Variants in BCL11A observed in about 807,000 individuals in gnomAD.
BCL11A encodes the protein BCL11 transcription factor A.
Under a neutral mutation model 55.9 loss-of-function variants are expected in BCL11A, and 2 were observed. The observed-to-expected ratio is 0.04, with a 90% CI of 0.01 to 0.11. The LOEUF (loss-of-function observed/expected upper bound fraction) is 0.11, where lower values mean the gene tolerates loss of function less well. Ranked by LOEUF, BCL11A falls within the 10% of genes least tolerant of loss-of-function variation. The pLI is 1.00. For synonymous variants in BCL11A, 465 were observed against 473.4 expected, an observed-to-expected ratio of 0.98 and a Z score of 0.23; for missense variants, 817 against 1,137.1, an observed-to-expected ratio of 0.72 and a Z score of 4.05.
intron 2 of BCL11A, among the ~76,000 whole-genome samples, chr2:60,529,338 G>A (rs1198277698): frequency 2.0e-5 from 3 of 152,144 alleles, no homozygotes; most frequent in Admixed American, 6.5e-5. Context: ...GGCAAGCCCC[G>A]TGATTCTCCC....
intron 3 of BCL11A, among the ~76,000 whole-genome samples, chr2:60,463,827 CTG>C (rs1488424746): frequency 6.6e-6 from 1 of 151,232 alleles, no homozygotes; most frequent in Non-Finnish European, 1.5e-5. Context: ...TAAAATATAA[CTG>C]AGAAATAACA....
At chr2:60,487,451 GA>G (rs1218849972) in intron 2 of BCL11A, among the ~76,000 whole-genome samples, 2 of 152,106 alleles carry the variant, frequency 1.3e-5, no homozygotes, top group African/African-American at 4.8e-5. Context: ...CTCAAATGTA[GA>G]TTATCTTCCC....
At chr2:60,499,287 C>T (rs1160195691) in intron 2 of BCL11A, among the ~76,000 whole-genome samples, 2 of 152,130 alleles carry the variant, frequency 1.3e-5, no homozygotes, top group Non-Finnish European at 2.9e-5. Flanking sequence ...AGGGGTGTGA[C>T]GCCCCTGCCC....
intron 1 of BCL11A, among the ~76,000 whole-genome samples, chr2:60,547,402 A>G (rs1670205326): frequency 1.3e-5 from 2 of 151,830 alleles, no homozygotes; most frequent in South Asian, 2.1e-4. Context: ...TTAACTTTGT[A>G]CTAAAATACT....
chr2:60,452,842 C>T (rs1675783491), downstream of BCL11A: 2 of 564,950 alleles, frequency 3.5e-6, no homozygotes, highest in South Asian at 4.1e-5. Flanking sequence ...CCAAGTATCT[C>T]TGACCTCTGA....
intron 2 of BCL11A, among the ~76,000 whole-genome samples, chr2:60,531,032 TC>T (rs1404215034): frequency 6.6e-6 from 1 of 152,158 alleles, no homozygotes; most frequent in Admixed American, 6.5e-5. Context: ...AGAGTAACGC[TC>T]CCAATGTACA....
Position 60,461,313 on chromosome 2 carries a change from G to A in BCL11A, c.1599C>T (p.Val533=), listed in dbSNP as rs368418687. 1.0e-4 allele frequency: 165 copies of A among 1,600,434 alleles called. No individual in the cohort carries two copies. Among genetic ancestry groups the A allele is most frequent in the Non-Finnish European group, 1.3e-4 (154 of 1,178,094 alleles). The part of the protein sequence containing the change: ...RHHENSSRGA[V]VGVGDESRAL... ...CGCGGCTCTCGTCGCCCACGCCCAC[G>A]ACCGCGCCCCGCGAGCTGTTCTCGT... Residue 533 remains valine (V), a synonymous_variant, in exon 4 of 4, where the codon GTC becomes GTT. Coordinates refer to ENST00000642384, the MANE Select transcript of BCL11A (RefSeq NM_022893.4).
intron 2 of BCL11A, among the ~76,000 whole-genome samples, chr2:60,516,686 C>A (rs1226723359): frequency 6.6e-6 from 1 of 152,166 alleles, no homozygotes; most frequent in East Asian, 1.9e-4. Flanking sequence ...GTTTAACTGC[C>A]CTCAAAGATG....
intron 2 of BCL11A, chr2:60,541,685 T>G: frequency 2.1e-6 from 1 of 471,588 alleles, no homozygotes; most frequent in Non-Finnish European, 3.8e-6. Flanking sequence ...CAATATTCTC[T>G]ACTCTCTGGA....
At chr2:60,537,894 T>A (rs1468157585) in intron 2 of BCL11A, 1 of 152,240 alleles carries the variant, frequency 6.6e-6, no homozygotes, top group Non-Finnish European at 1.5e-5. Flanking sequence ...AATGGGAGTT[T>A]TTAATCAGTG....
chr2:60,552,903 T>C (rs1396775902), intron 1 of BCL11A, among the ~76,000 whole-genome samples: 1 of 147,728 alleles, frequency 6.8e-6, no homozygotes, highest in African/African-American at 2.5e-5. Context: ...GGGGGGGGAG[T>C]GGAATCATTG....
intron 2 of BCL11A, among the ~76,000 whole-genome samples, chr2:60,531,015 G>A (rs1669430631): frequency 6.6e-6 from 1 of 152,174 alleles, no homozygotes; most frequent in Admixed American, 6.5e-5. Context: ...CTACACCATG[G>A]CCAGGGAGAG....
At chr2:60,495,769 G>A (rs183581277) in intron 2 of BCL11A, 9 of 152,250 alleles carry the variant, frequency 5.9e-5, no homozygotes, top group African/African-American at 2.4e-5. Context: ...AAAGGTACCT[G>A]GAAAACTGTA....
At chr2:60,452,678 T>C, downstream of BCL11A, 1 of 1,605,318 alleles carries the variant, frequency 6.2e-7, no homozygotes, top group Non-Finnish European at 8.5e-7. Flanking sequence ...TAGAAAGAGG[T>C]TGGAGACAGA....
At chr2:60,481,321 A>G (rs927513615) in intron 2 of BCL11A, among the ~76,000 whole-genome samples, 2 of 152,102 alleles carry the variant, frequency 1.3e-5, no homozygotes, top group African/African-American at 2.4e-5. Context: ...CTTGAAAACA[A>G]AAATGAAGCA....
chr2:60,515,240 C>T (rs149306110), intron 2 of BCL11A, among the ~76,000 whole-genome samples: 48 of 152,312 alleles, frequency 3.2e-4, no homozygotes, highest in African/African-American at 1.1e-3. Flanking sequence ...TTCACTTTTT[C>T]ACTTTCTCCC....
At chr2:60,482,973 G>A (rs1678046671) in intron 2 of BCL11A, among the ~76,000 whole-genome samples, 1 of 152,220 alleles carries the variant, frequency 6.6e-6, no homozygotes. Context: ...AAATGATGAT[G>A]TTTAAGTCTA....
At chr2:60,541,378 C>T (rs761869984) in intron 2 of BCL11A, among the ~76,000 whole-genome samples, 2 of 151,984 alleles carry the variant, frequency 1.3e-5, no homozygotes, top group Admixed American at 6.6e-5. Flanking sequence ...AGCAGCCATG[C>T]GGGCCACTGT....
At chr2:60,486,776 A>T (rs1157799533) in intron 2 of BCL11A, among the ~76,000 whole-genome samples, 1 of 152,162 alleles carries the variant, frequency 6.6e-6, no homozygotes, top group Non-Finnish European at 1.5e-5. Context: ...CTGAGCCCAC[A>T]GTCTGAGAAT....
Sources: gnomAD v4.1 joint callset for allele counts (sites outside exome capture counted in the v4.1 genomes callset) on GRCh38, gnomAD v4.1.1 for gene constraint, MANE v1.5 for transcripts, NCBI Gene and HGNC (gene_info 2026-07-23, HGNC 2026-07-21) for gene names.